ADK: variants seen among roughly 807,000 people sequenced by gnomAD.
ADK encodes the protein adenosine kinase, also known as N6,N6-dimethyladenosine kinase.
A neutral mutation model predicts 44.7 loss-of-function variants in ADK; 24 were observed. The ratio of observed to expected loss-of-function variants is 0.54; its 90% CI spans 0.39 to 0.76. ADK has a LOEUF of 0.76. ADK is among the 30% of genes least tolerant of loss of function. ADK has a pLI of 0.00. For missense variants in ADK, 321 were observed against 425.1 expected, an observed-to-expected ratio of 0.76 and a Z score of 2.15; for synonymous variants, 128 against 142.6, an observed-to-expected ratio of 0.90 and a Z score of 0.73.
At chr10:74,230,092 C>T (rs1392981230) in intron 3 of ADK, among the ~76,000 whole-genome samples, 3 of 127,750 alleles carry the variant, frequency 2.3e-5, no homozygotes, top group African/African-American at 3.0e-5. Context: ...AACTGGATAT[C>T]TGTAAAGCTA....
At chr10:74,685,448 G>A (rs1416101) in intron 10 of ADK, among the ~76,000 whole-genome samples, 143,443 of 152,280 alleles carry the variant, frequency 0.94, 67,660 homozygotes, top group East Asian at 1. Context: ...GCTTTGTCAC[G>A]TGTTTATCTG....
intron 6 of ADK, among the ~76,000 whole-genome samples, chr10:74,495,797 C>T (rs2133421466): frequency 6.6e-6 from 1 of 152,256 alleles, no homozygotes; most frequent in South Asian, 2.1e-4. Context: ...GAAAGTTCTG[C>T]TGTTAATTAT....
intron 3 of ADK, among the ~76,000 whole-genome samples, chr10:74,257,214 A>G (rs1270872226): frequency 6.6e-6 from 1 of 152,110 alleles, no homozygotes; most frequent in Non-Finnish European, 1.5e-5. Flanking sequence ...GTTAAGTCCC[A>G]CAGTGGGTGC....
intron 9 of ADK, among the ~76,000 whole-genome samples, chr10:74,662,080 G>T (rs933787709): frequency 2.0e-5 from 3 of 152,096 alleles, no homozygotes; most frequent in African/African-American, 4.8e-5. Flanking sequence ...TATTGTCAGG[G>T]TGTTTTTATA....
chr10:74,602,243 G>T lies in ADK; in HGVS notation c.877+1750G>T, dbSNP rs535278721. Among the ~76,000 whole-genome samples, 4 of 151,648 alleles carry T rather than the reference G, an allele frequency of 2.6e-5. 1 individual carries two copies. In the South Asian group the frequency reaches 8.3e-4, roughly 32 times the overall value. ...TTGTTAATTTGTACAAGAGAGAAAA[G>T]AAACCATGAAAAGATATCCCTGCAC... is the stretch of plus-strand genomic sequence containing the variant. On this transcript the variant is annotated intron_variant, in intron 9 of 10. Transcript: ENST00000539909.
At chr10:74,598,106 C>T (rs1406730554) in intron 8 of ADK, among the ~76,000 whole-genome samples, 1 of 152,164 alleles carries the variant, frequency 6.6e-6, no homozygotes, top group African/African-American at 2.4e-5. Flanking sequence ...GGTTTATTAA[C>T]TTGCCCCAAA....
At chr10:74,404,849 A>T (rs1245392674) in intron 6 of ADK, among the ~76,000 whole-genome samples, 2 of 152,004 alleles carry the variant, frequency 1.3e-5, no homozygotes, top group Admixed American at 1.3e-4. Context: ...AGAGAAAATT[A>T]CTCATTTTGA....
intron 3 of ADK, among the ~76,000 whole-genome samples, chr10:74,284,289 C>T (rs574566331): frequency 2.1e-5 from 3 of 139,864 alleles, no homozygotes; most frequent in South Asian, 2.2e-4. Flanking sequence ...TTTTTTGAGA[C>T]GGAATTTTGC....
At chr10:74,224,788 TG>T (rs1409909428) in intron 3 of ADK, among the ~76,000 whole-genome samples, 197 bp downstream of exon 3, 5 of 152,254 alleles carry the variant, frequency 3.3e-5, no homozygotes, top group African/African-American at 1.2e-4. Context: ...TAATTTCTCC[TG>T]TATTCACATT....
intron 3 of ADK, among the ~76,000 whole-genome samples, chr10:74,299,236 G>A (rs2132508925): frequency 6.6e-6 from 1 of 151,774 alleles, no homozygotes; most frequent in Admixed American, 6.6e-5. Flanking sequence ...GCTCAAGCCT[G>A]TAATCCCAGC....
chr10:74,357,671 CT>C (rs1477853209), intron 4 of ADK, among the ~76,000 whole-genome samples: 2 of 151,932 alleles, frequency 1.3e-5, no homozygotes, highest in African/African-American at 4.8e-5. Flanking sequence ...ACCTGAAGCG[CT>C]TTCTATGCTT....
intron 9 of ADK, among the ~76,000 whole-genome samples, chr10:74,643,766 A>G (rs906442272): frequency 6.6e-6 from 1 of 152,210 alleles, no homozygotes; most frequent in Non-Finnish European, 1.5e-5. Flanking sequence ...GCATGGGGAC[A>G]TTGGCACACT....
chr10:74,480,140 T>A (rs184683558), intron 6 of ADK, among the ~76,000 whole-genome samples: 4 of 152,070 alleles, frequency 2.6e-5, no homozygotes, highest in African/African-American at 9.7e-5. Context: ...TGACTTTATT[T>A]CTTGGAAATA....
rs528982357 is a variant in ADK at position 74,624,011 on chromosome 10, A to C, written c.877+23518A>C. 3.9e-5 allele frequency among the ~76,000 whole-genome samples: 6 copies of C among 152,302 alleles called. No individual in the cohort carries two copies. The East Asian group carries it at 1.2e-3, about 29-fold the overall frequency. ...AACACTGCATGCAAGCTTTTGGCTCAGAAAAAAATCTTTGGAAGTATAGCT... is the reference window on the plus strand; with the variant it reads ...AACACTGCATGCAAGCTTTTGGCTCCGAAAAAAATCTTTGGAAGTATAGCT... On this transcript the variant is annotated intron_variant, in intron 9 of 10. Coordinates refer to ENST00000539909, the MANE Select transcript of ADK (RefSeq NM_006721.4).
intron 6 of ADK, among the ~76,000 whole-genome samples, chr10:74,462,317 T>C (rs1220698500): frequency 1.3e-5 from 2 of 152,092 alleles, no homozygotes; most frequent in Non-Finnish European, 2.9e-5. Context: ...AGAAAAAAAC[T>C]TTATATTTTG....
chr10:74,267,790 G>GTCTGTCTGTC (rs1554835953), intron 3 of ADK, among the ~76,000 whole-genome samples: 1 of 145,598 alleles, frequency 6.9e-6, no homozygotes, highest in South Asian at 2.1e-4. Context: ...GTGTGTGTGT[G>GTCTGTCTGTC]TGTCTGTCTG....
chr10:74,678,333 C>T (rs1032951917), intron 10 of ADK, among the ~76,000 whole-genome samples: 1 of 152,102 alleles, frequency 6.6e-6, no homozygotes, highest in South Asian at 2.1e-4. Context: ...TAAACACTGT[C>T]TATGATTATT....
chr10:74,356,002 A>ATTTTGGTTTT (rs772603788), intron 4 of ADK, among the ~76,000 whole-genome samples: 1 of 83,310 alleles, frequency 1.2e-5, no homozygotes, highest in Non-Finnish European at 2.2e-5. Flanking sequence ...TAAATAATTC[A>ATTTTGGTTTT]TTTTTTTTTT....
At chr10:74,179,912 T>C (rs946485545) in intron 1 of ADK, among the ~76,000 whole-genome samples, 2 of 152,206 alleles carry the variant, frequency 1.3e-5, no homozygotes, top group Non-Finnish European at 2.9e-5. Context: ...GGGACCCCTT[T>C]CTGTTAACAT....
Sources: allele counts gnomAD v4.1 joint callset (sites outside exome capture counted in the v4.1 genomes callset), GRCh38; gene constraint gnomAD v4.1.1; transcripts MANE v1.5; gene names NCBI Gene and HGNC (gene_info 2026-07-23, HGNC 2026-07-21).